The following PDGFRA variants were observed in gnomAD, a reference collection of about 807,000 sequenced individuals.
PDGFRA encodes platelet derived growth factor receptor alpha.
A neutral mutation model predicts 121.5 loss-of-function variants in PDGFRA; 25 were observed. The ratio of observed to expected loss-of-function variants is 0.21; its 90% CI spans 0.15 to 0.29. The LOEUF (loss-of-function observed/expected upper bound fraction) is 0.29, where lower values mean the gene tolerates loss of function less well. Among genes scored for constraint, PDGFRA ranks in the 10% least tolerant of loss-of-function variants. The pLI is 1.00. For missense variants in PDGFRA, 1,008 were observed against 1,345.1 expected (o/e 0.75, Z 3.92); for synonymous variants, 463 against 494.8 (o/e 0.94, Z 0.85).
At chr4:54,270,498 G>T (rs948204832) in intron 7 of PDGFRA, 135 bp from the exon 8 acceptor site, 11 of 645,744 alleles carry the variant, frequency 1.7e-5, no homozygotes, top group Non-Finnish European at 3.1e-5. Context: ...TTCCAGAAGA[G>T]ATGATATGGA....
chr4:54,297,876 G>T lies in PDGFRA; in HGVS notation c.*2604G>T, dbSNP rs547925170. ...AAATGGTCCTATTTTTGTGAAGAGG[G>T]ACATAAGATAAAATGATGTTATACA... On this transcript the variant is annotated 3_prime_UTR_variant, in exon 23 of 23. Coordinates refer to ENST00000257290, the MANE Select transcript of PDGFRA (RefSeq NM_006206.6). The T allele has an allele frequency of 7.7e-5, 18 of 233,390 alleles. No individual in the cohort carries two copies. Among genetic ancestry groups the T allele is most frequent in the Admixed American group, 2.8e-4 (5 of 17,782 alleles). 14.5% of individuals were successfully genotyped at this position (233,390 alleles called of 1,614,324 possible). A position where few individuals can be genotyped will look rare whatever the true frequency, so the allele number is the denominator to read the frequency against.
chr4:54,255,884 A>G (rs1425436840), intron 1 of PDGFRA, among the ~76,000 whole-genome samples: 1 of 152,154 alleles, frequency 6.6e-6, no homozygotes, highest in African/African-American at 2.4e-5. Flanking sequence ...TTTAGCTTCC[A>G]AAGTCAGTGA....
chr4:54,252,005 GAA>G, intron 1 of PDGFRA, among the ~76,000 whole-genome samples: 1 of 152,310 alleles, frequency 6.6e-6, no homozygotes, highest in South Asian at 2.1e-4. Context: ...GCTAGAGAGA[GAA>G]TTTGTTTCAA....
chr4:54,277,634 G>T, intron 13 of PDGFRA, 142 bp downstream of exon 13: 1 of 725,764 alleles, frequency 1.4e-6, no homozygotes, highest in South Asian at 1.5e-5. Flanking sequence ...GGTTTTATGT[G>T]TATTTAGATT....
Position 54,267,312 on chromosome 4 carries a change from G to A in PDGFRA, c.783G>A (p.Leu261=), listed in dbSNP as rs553465147. The part of the protein sequence containing the change: ...GEVKGKGITM[L]EEIKVPSIKL... Reference sequence around the variant, plus strand: ...AGAAAGGCAAAGGCATCACAATGCTGGAAGAAATCAAAGTCCCATCCATCA... The same window carrying A: ...AGAAAGGCAAAGGCATCACAATGCTAGAAGAAATCAAAGTCCCATCCATCA... Residue 261 remains leucine (L), a synonymous_variant, in exon 6 of 23, where the codon CTG becomes CTA. Coordinates refer to ENST00000257290, the MANE Select transcript of PDGFRA (RefSeq NM_006206.6). 8.7e-6 allele frequency: 14 copies of A among 1,614,160 alleles called. No homozygotes were observed. In the Admixed American group the frequency reaches 1.2e-4, roughly 13 times the overall value.
chr4:54,264,151 G>A (rs756857807), intron 4 of PDGFRA: 81 of 583,924 alleles, frequency 1.4e-4, no homozygotes, highest in Non-Finnish European at 2.3e-4. Context: ...TGTTTCATCA[G>A]TTGACTTCAA....
At chr4:54,282,525 C>G (rs546991231) in intron 16 of PDGFRA, among the ~76,000 whole-genome samples, 178 of 152,292 alleles carry the variant, frequency 1.2e-3, no homozygotes, top group Non-Finnish European at 2.1e-3. Context: ...AAATCTGTCC[C>G]CATGATCCAT....
chr4:54,242,716 A>G (rs952516012), intron 1 of PDGFRA, among the ~76,000 whole-genome samples: 1 of 151,428 alleles, frequency 6.6e-6, no homozygotes, highest in African/African-American at 2.4e-5. Flanking sequence ...CTGTCTTTTT[A>G]CCCCCTTTAA....
intron 1 of PDGFRA, chr4:54,243,573 A>C (rs1417569101): frequency 6.6e-6 from 1 of 152,250 alleles, no homozygotes; most frequent in East Asian, 1.9e-4. Context: ...AAGTTAAAGG[A>C]GGAGGTTGGA....
At chr4:54,278,040 T>A (rs761005390) in intron 14 of PDGFRA, 34 bp downstream of exon 14, 3 of 1,207,596 alleles carry the variant, frequency 2.5e-6, no homozygotes, top group Middle Eastern at 3.8e-4. Context: ...GGATTTTCAC[T>A]GGACACATGT....
chr4:54,283,769 CT>C (rs934821741), intron 16 of PDGFRA, among the ~76,000 whole-genome samples: 7 of 151,634 alleles, frequency 4.6e-5, no homozygotes, highest in Admixed American at 2.0e-4. Flanking sequence ...TTCCCTTTTA[CT>C]TTTTTTTTAT....
Position 54,270,603 on chromosome 4 carries a change from C to T in PDGFRA, c.1122-30C>T, listed in dbSNP as rs112366260. 215 of 1,211,988 alleles carry T rather than the reference C, an allele frequency of 1.8e-4. 2 individuals are homozygous for T. In the African/African-American group the frequency reaches 2.2e-3, roughly 12 times the overall value. 75.1% of individuals were successfully genotyped at this position (1,211,988 alleles called of 1,614,324 possible). ...ACAATTGGAACTTACTTAGCTACTG[C>T]TTGTTGAAACAAAATCCTTTTTTTA... On this transcript the variant is annotated intron_variant, in intron 7 of 22. Coordinates refer to ENST00000257290, the MANE Select transcript of PDGFRA (RefSeq NM_006206.6).
chr4:54,261,809 A>G (rs1213640421), intron 3 of PDGFRA, among the ~76,000 whole-genome samples: 1 of 150,704 alleles, frequency 6.6e-6, no homozygotes, highest in Non-Finnish European at 1.5e-5. Flanking sequence ...TATCTTCCAA[A>G]TAAACACTCG....
intron 1 of PDGFRA, among the ~76,000 whole-genome samples, chr4:54,243,078 A>AAAGC (rs1721394510): frequency 2.0e-5 from 3 of 152,156 alleles, no homozygotes; most frequent in Non-Finnish European, 4.4e-5. Context: ...AAATGAAAAA[A>AAAGC]AAGCATGCTC....
At chr4:54,272,928 G>A (rs1723483871) in intron 9 of PDGFRA, among the ~76,000 whole-genome samples, 1 of 152,130 alleles carries the variant, frequency 6.6e-6, no homozygotes, top group Non-Finnish European at 1.5e-5. Context: ...TTCTTAAATG[G>A]GCACATGAGC....
intron 9 of PDGFRA, among the ~76,000 whole-genome samples, chr4:54,273,006 C>T (rs1250995123): frequency 6.6e-6 from 1 of 152,204 alleles, no homozygotes; most frequent in Non-Finnish European, 1.5e-5. Flanking sequence ...TTCCTCTAGA[C>T]AGAGACTCCT....
chr4:54,258,688 A>G, intron 1 of PDGFRA, 69 bp from the exon 2 acceptor site: 1 of 945,544 alleles, frequency 1.1e-6, no homozygotes, highest in Non-Finnish European at 1.8e-6. Flanking sequence ...TGCAAAACAC[A>G]AAGAGAACTA....
chr4:54,263,611 A>G (rs763059064), intron 3 of PDGFRA, 56 bp from the exon 4 acceptor site: 23 of 1,548,456 alleles, frequency 1.5e-5, no homozygotes, highest in Admixed American at 5.0e-5. Context: ...TTCTGGATTT[A>G]TGTGTAAAGG....
At chr4:54,293,131 G>C (rs886085672) in intron 22 of PDGFRA, among the ~76,000 whole-genome samples, 1 of 152,166 alleles carries the variant, frequency 6.6e-6, no homozygotes, top group African/African-American at 2.4e-5. Context: ...AGTTCACTAT[G>C]TCTCTATTTT....
Sources: allele counts gnomAD v4.1 joint callset (sites outside exome capture counted in the v4.1 genomes callset), GRCh38; gene constraint gnomAD v4.1.1; transcripts MANE v1.5; gene names NCBI Gene and HGNC (gene_info 2026-07-23, HGNC 2026-07-21).